Variants in RBFOX1 observed in about 807,000 individuals in gnomAD.
RBFOX1 encodes the protein RNA binding protein fox-1 homolog 1.
A neutral mutation model predicts 57.7 loss-of-function variants in RBFOX1; 8 were observed. The ratio of observed to expected loss-of-function variants is 0.14; its 90% CI spans 0.08 to 0.25. The LOEUF (loss-of-function observed/expected upper bound fraction) is 0.25. RBFOX1 is among the 10% of genes least tolerant of loss of function. RBFOX1 has a pLI of 1.00. For missense variants in RBFOX1, 611 were observed against 548.5 expected (o/e 1.11, Z -1.14); for synonymous variants, 326 against 222.4 (o/e 1.47, Z -4.15).
rs183786825 is a variant in RBFOX1, at chr16:5,366,102, T to C, written c.220-101114T>C. On this transcript the variant is annotated intron_variant, in intron 1 of 2. Transcript: ENST00000585867. ...ACCACCAGTGCTCTTACGGTTGAAG[T>C]GTGGTTCAGGGCGAGTGCATGCTAA... is the stretch of plus-strand genomic sequence containing the variant. 31 of 466,240 alleles carry C rather than the reference T, an allele frequency of 6.6e-5. No individual in the cohort carries two copies. In the East Asian group the frequency reaches 1.6e-3, roughly 24 times the overall value. The allele number at this position is 466,240 out of a possible 1,614,324, so 28.9% of individuals were successfully genotyped here.
chr16:7,674,836 C>A (rs756134169), intron 13 of RBFOX1, among the ~76,000 whole-genome samples: 12 of 152,188 alleles, frequency 7.9e-5, no homozygotes, highest in Non-Finnish European at 1.5e-4. Flanking sequence ...GGACTCGCTG[C>A]CTTCTTCCAT....
chr16:7,656,495 G>C (rs1568314876), intron 12 of RBFOX1, among the ~76,000 whole-genome samples: 1 of 152,076 alleles, frequency 6.6e-6, no homozygotes, highest in Non-Finnish European at 1.5e-5. Context: ...CCCCTATGTT[G>C]TGTTCAGGGA....
rs372381673 is a variant in RBFOX1 at position 7,139,176 on chromosome 16, C to CTCTCTCTCTCTGTGTGTGTGTG, written c.27+87079_27+87080insCTCTCTCTCTGTGTGTGTGTGT. Among the ~76,000 whole-genome samples the CTCTCTCTCTCTGTGTGTGTGTG allele has an allele frequency of 3.2e-4, 46 of 145,908 alleles. No homozygotes were observed. In the East Asian group the frequency reaches 5.5e-3, roughly 17 times the overall value. On this transcript the variant is annotated intron_variant, in intron 4 of 15. Coordinates refer to ENST00000550418, the MANE Select transcript of RBFOX1 (RefSeq NM_018723.4). ...TAATGCAGATGAAATCAATCTCTCT[C>CTCTCTCTCTCTGTGTGTGTGTG]TGTGTGTGTGTGTGTGTGTGTATGT...
chr16:6,351,368 A>ATTTTTT (rs1358836868), intron 2 of RBFOX1, among the ~76,000 whole-genome samples: 12 of 103,854 alleles, frequency 1.2e-4, no homozygotes, highest in African/African-American at 2.6e-4. Context: ...ATATATATAT[A>ATTTTTT]TATATTTTTT....
intron 3 of RBFOX1, among the ~76,000 whole-genome samples, chr16:6,787,873 C>G (rs1603623778): frequency 6.6e-6 from 1 of 152,246 alleles, no homozygotes; most frequent in Non-Finnish European, 1.5e-5. Flanking sequence ...TAACTCGATA[C>G]TATAGAGAGA....
intron 4 of RBFOX1, among the ~76,000 whole-genome samples, chr16:7,158,037 A>G (rs966310643): frequency 6.6e-6 from 1 of 152,156 alleles, no homozygotes; most frequent in African/African-American, 2.4e-5. Context: ...AGGTTTATCC[A>G]ATAGTAACAT....
At chr16:7,083,397 C>T (rs536614295) in intron 4 of RBFOX1, among the ~76,000 whole-genome samples, 2 of 152,072 alleles carry the variant, frequency 1.3e-5, no homozygotes, top group Non-Finnish European at 2.9e-5. Flanking sequence ...GCAAACTGAG[C>T]AGAGGCAGGA....
At chr16:7,015,014 G>A (rs1332603709) in intron 3 of RBFOX1, among the ~76,000 whole-genome samples, 1 of 152,156 alleles carries the variant, frequency 6.6e-6, no homozygotes, top group Non-Finnish European at 1.5e-5. Context: ...GTGAGCCACC[G>A]TGCTTAGCTT....
intron 5 of RBFOX1, among the ~76,000 whole-genome samples, chr16:7,536,956 C>T (rs576539165): frequency 1.6e-4 from 25 of 152,272 alleles, no homozygotes; most frequent in Non-Finnish European, 3.1e-4. Context: ...GCTGTGTGGA[C>T]GGGCAGGGGG....
At chr16:7,025,065 C>T (rs374418918) in intron 3 of RBFOX1, among the ~76,000 whole-genome samples, 4 of 152,162 alleles carry the variant, frequency 2.6e-5, no homozygotes, top group East Asian at 1.9e-4. Context: ...GAGTTGAGGG[C>T]GTGTCTGTAG....
intron 4 of RBFOX1, among the ~76,000 whole-genome samples, chr16:5,942,116 G>A (rs747974813): frequency 4.6e-5 from 7 of 152,036 alleles, no homozygotes; most frequent in Non-Finnish European, 1.0e-4. Context: ...TGATGCCCAG[G>A]TACAGCCAAT....
chr16:6,588,371 G>C (rs151059770), intron 2 of RBFOX1, among the ~76,000 whole-genome samples: 6 of 149,882 alleles, frequency 4.0e-5, no homozygotes, highest in Non-Finnish European at 7.4e-5. Flanking sequence ...GAGTACTCTC[G>C]GCTGGGTGCG....
chr16:6,862,449 G>T (rs2059184476), intron 3 of RBFOX1, among the ~76,000 whole-genome samples: 1 of 152,298 alleles, frequency 6.6e-6, no homozygotes, highest in Non-Finnish European at 1.5e-5. Context: ...GGGATGCAAT[G>T]GCAGAGTTAT....
intron 3 of RBFOX1, among the ~76,000 whole-genome samples, chr16:5,788,873 T>C (rs2054598290): frequency 6.6e-6 from 1 of 152,140 alleles, no homozygotes; most frequent in Non-Finnish European, 1.5e-5. Context: ...AATTCAGACC[T>C]GTGAAAAGCC....
intron 3 of RBFOX1, among the ~76,000 whole-genome samples, chr16:6,853,670 A>G (rs1292751245): frequency 6.6e-6 from 1 of 152,168 alleles, no homozygotes; most frequent in Non-Finnish European, 1.5e-5. Context: ...TATGGAGGCT[A>G]ATTTGTGAAC....
chr16:5,461,480 G>A (rs1567545819), intron 1 of RBFOX1, among the ~76,000 whole-genome samples: 1 of 152,236 alleles, frequency 6.6e-6, no homozygotes, highest in South Asian at 2.1e-4. Context: ...AAAACTTTGG[G>A]CCCTGCAGCT....
At chr16:7,243,149 A>T (rs1454863304) in intron 4 of RBFOX1, among the ~76,000 whole-genome samples, 2 of 152,182 alleles carry the variant, frequency 1.3e-5, no homozygotes, top group African/African-American at 4.8e-5. Context: ...AAATTGTAAC[A>T]CACCCAGTAT....
At chr16:5,873,695 C>T (rs547441993) in intron 4 of RBFOX1, among the ~76,000 whole-genome samples, 1 of 152,310 alleles carries the variant, frequency 6.6e-6, no homozygotes, top group African/African-American at 2.4e-5. Context: ...TGTAGTTTCA[C>T]TTGTCTCATG....
intron 3 of RBFOX1, among the ~76,000 whole-genome samples, chr16:6,914,565 A>G (rs75718219): frequency 1.3e-5 from 2 of 151,158 alleles, no homozygotes; most frequent in Non-Finnish European, 3.0e-5. Flanking sequence ...AACAAAAATA[A>G]AAAAAAAAAC....
Sources: gnomAD v4.1 joint callset for allele counts (sites outside exome capture counted in the v4.1 genomes callset) on GRCh38, gnomAD v4.1.1 for gene constraint, MANE v1.5 for transcripts, NCBI Gene and HGNC (gene_info 2026-07-23, HGNC 2026-07-21) for gene names.